The following NCOA6 variants were observed in gnomAD, a reference collection of about 807,000 sequenced individuals.
NCOA6 encodes the protein nuclear receptor coactivator 6.
NCOA6 carries 49 observed loss-of-function variants against 171.4 expected under a neutral mutation model. The ratio of observed to expected loss-of-function variants is 0.29; its 90% CI spans 0.23 to 0.36. The LOEUF is 0.36. Ranked by LOEUF, NCOA6 falls within the 10% of genes least tolerant of loss-of-function variation. NCOA6 has a pLI of 1.00. For synonymous variants in NCOA6, 910 were observed against 927.5 expected, an observed-to-expected ratio of 0.98 and a Z score of 0.34; for missense variants, 2,248 against 2,554.5, an observed-to-expected ratio of 0.88 and a Z score of 2.59.
intron 4 of NCOA6, among the ~76,000 whole-genome samples, chr20:34,769,894 A>G (rs1230748684): frequency 6.6e-6 from 1 of 152,222 alleles, no homozygotes; most frequent in East Asian, 1.9e-4. Flanking sequence ...GTTAAAATAT[A>G]GCTAGTCTGT....
chr20:34,790,337 T>C (rs981765406), intron 2 of NCOA6, among the ~76,000 whole-genome samples: 4 of 152,108 alleles, frequency 2.6e-5, no homozygotes, highest in Middle Eastern at 3.4e-3. Context: ...ACTCCATTTA[T>C]TTATTTTATT....
intron 4 of NCOA6, among the ~76,000 whole-genome samples, chr20:34,768,816 G>C (rs2077055113): frequency 1.3e-5 from 2 of 152,014 alleles, no homozygotes; most frequent in South Asian, 4.2e-4. Context: ...AGGGAAGCAG[G>C]GTGACCATGA....
At chr20:34,809,205 T>G (rs2078569244) in intron 1 of NCOA6, among the ~76,000 whole-genome samples, 1 of 152,228 alleles carries the variant, frequency 6.6e-6, no homozygotes, top group Non-Finnish European at 1.5e-5. Flanking sequence ...TCTGCCATAT[T>G]ACATGTATTC....
At chr20:34,773,468 T>C (rs2077213989) in intron 4 of NCOA6, among the ~76,000 whole-genome samples, 1 of 152,200 alleles carries the variant, frequency 6.6e-6, no homozygotes, top group African/African-American at 2.4e-5. Flanking sequence ...GTTGTTGTTG[T>C]TTTGAGACAA....
intron 1 of NCOA6, among the ~76,000 whole-genome samples, chr20:34,814,504 A>G (rs2078768496): frequency 6.6e-6 from 1 of 152,216 alleles, no homozygotes; most frequent in Non-Finnish European, 1.5e-5. Context: ...AAAAAAGACT[A>G]AAAAAACCTT....
chr20:34,798,012 T>C (rs2078137137), intron 1 of NCOA6, among the ~76,000 whole-genome samples: 1 of 152,190 alleles, frequency 6.6e-6, no homozygotes, highest in East Asian at 1.9e-4. Context: ...ATTTTCATTC[T>C]TTTTTCTTTT....
At chr20:34,731,381 C>G (rs1248752077) in intron 13 of NCOA6, among the ~76,000 whole-genome samples, 1 of 152,192 alleles carries the variant, frequency 6.6e-6, no homozygotes, top group Non-Finnish European at 1.5e-5. Context: ...GGTTAAATAT[C>G]AGGGCTCTGA....
chr20:34,715,193 G>A lies in NCOA6; in HGVS notation c.*129C>T. ...TGCACTTTATGAAACAGGTTGCAGG[G>A]ACTAGGAAAAGGGCCACATTATTAA... is the stretch of plus-strand genomic sequence containing the variant. On this transcript the variant is annotated 3_prime_UTR_variant, in exon 15 of 15. Coordinates refer to ENST00000359003, the MANE Select transcript of NCOA6 (RefSeq NM_014071.5). The A allele has an allele frequency of 8.2e-7, 1 of 1,215,856 alleles. No individual in the cohort carries two copies. Among genetic ancestry groups the A allele is most frequent in the Non-Finnish European group, 1.2e-6 (1 of 842,256 alleles). The allele number at this position is 1,215,856 out of a possible 1,614,324, so 75.3% of individuals were successfully genotyped here.
chr20:34,824,717 A>C (rs1031437637), intron 1 of NCOA6, among the ~76,000 whole-genome samples: 4 of 152,008 alleles, frequency 2.6e-5, no homozygotes, highest in African/African-American at 7.3e-5. Flanking sequence ...TCTCTCATCA[A>C]ACACCTCCTT....
At position 34,742,045 on chromosome 20, in the gene NCOA6, G is replaced by A; in HGVS notation, c.4211C>T (p.Ser1404Phe). The A allele has an allele frequency of 6.2e-7, 1 of 1,614,132 alleles. No homozygotes were observed. Among genetic ancestry groups the A allele is most frequent in the Non-Finnish European group, 8.5e-7 (1 of 1,180,036 alleles). Residue 1404 changes from serine to phenylalanine, a missense_variant, in exon 11 of 15, where the codon TCT becomes TTT. Coordinates refer to ENST00000359003, the MANE Select transcript of NCOA6 (RefSeq NM_014071.5). ...SGLNPQNSTV[S>F]VAAVGGVVED... ...AACAACACCCCCAACTGCAGCCACA[G>A]ACACAGTAGAATTCTGAGGATTCAG...
chr20:34,749,827 G>A lies in NCOA6; in HGVS notation c.2368C>T (p.Pro790Ser). Residue 790 changes from proline to serine, a missense_variant, in exon 9 of 15, where the codon CCA (proline) becomes TCA (serine). This residue lies in a region of NCOA6 where 987 missense variants were observed against 1,104.7 expected (regional missense o/e 0.89). Coordinates refer to ENST00000359003, the MANE Select transcript of NCOA6 (RefSeq NM_014071.5). ...VMGIQGQVLRPPGPSPHMAQQ... is the reference protein window; with the variant it reads ...VMGIQGQVLRSPGPSPHMAQQ... ...GCCATGTGTGGGCTGGGCCCTGGTG[G>A]CCGCAGGACCTGTCCCTGAATGCCC... 6.2e-7 allele frequency: 1 copy of A among 1,614,256 alleles called. No individual in the cohort carries two copies. The highest frequency in any genetic ancestry group is 8.5e-7 in the Non-Finnish European group (1 of 1,180,052).
intron 11 of NCOA6, 102 bp downstream of exon 11, chr20:34,740,261 C>G: frequency 7.1e-7 from 1 of 1,415,228 alleles, no homozygotes; most frequent in Non-Finnish European, 9.5e-7. Flanking sequence ...GCCATTTAGC[C>G]CATTCTCTTT....
chr20:34,740,861 T>C lies in NCOA6; in HGVS notation c.5395A>G (p.Asn1799Asp), dbSNP rs1308396629. The C allele has an allele frequency of 1.2e-6, 2 of 1,614,228 alleles. No individual in the cohort carries two copies. The highest frequency in any genetic ancestry group is 1.7e-5 in the Admixed American group (1 of 60,028). ...STTMVSPLLT[N>D]SPGSSGNRRS... ...CGGTTGCCAGAGGACCCTGGACTAT[T>C]GGTCAAAAGGGGAGAAACCATTGTG... is the stretch of plus-strand genomic sequence containing the variant. The change falls in exon 11 of 15, where the codon AAT becomes GAT. Residue 1799 changes from asparagine (N) to aspartate (D), a missense_variant. Around this residue, in one of 7 missense-constraint regions of NCOA6, gnomAD observed 884 missense variants for 941.9 expected, o/e 0.94. Coordinates refer to ENST00000359003, the MANE Select transcript of NCOA6 (RefSeq NM_014071.5).
In NCOA6 at chr20:34,802,893, C is replaced by A. The variant is rs1168556504; in HGVS notation, c.-163-10330G>T. ...CAGTGGCACAATTCCCAGCTCAATG[C>A]AGCCAAGTGATCCTCCCACTTCAGC... On this transcript the variant is annotated intron_variant, in intron 1 of 14. Transcript: ENST00000359003. Among the ~76,000 whole-genome samples the A allele has an allele frequency of 3.3e-5, 5 of 152,202 alleles. No homozygotes were observed. The South Asian group carries it at 1.0e-3, about 32-fold the overall frequency.
chr20:34,786,197 A>T (rs184660118), intron 2 of NCOA6, among the ~76,000 whole-genome samples: 15 of 152,208 alleles, frequency 9.9e-5, no homozygotes, highest in Admixed American at 3.3e-4. Context: ...TAGCCCCCTT[A>T]TCATTTCTGA....
rs570305940 is a variant in NCOA6, at chr20:34,788,077, G to A, written c.-50+4373C>T. ...AGATGGAGTTTCACCGTGTTGCCCA[G>A]GCTGGTCTCGAACTCCTGAGCTCAA... is the stretch of plus-strand genomic sequence containing the variant. On this transcript the variant is annotated intron_variant, in intron 2 of 14. Transcript: ENST00000359003. Among the ~76,000 whole-genome samples the A allele has an allele frequency of 3.7e-3, 569 of 152,232 alleles. 4 individuals are homozygous for A. Among genetic ancestry groups the A allele is most frequent in the African/African-American group, 0.013 (557 of 41,536 alleles).
intron 5 of NCOA6, among the ~76,000 whole-genome samples, chr20:34,759,528 C>A (rs761777854): frequency 1.4e-4 from 22 of 152,078 alleles, no homozygotes; most frequent in Non-Finnish European, 2.8e-4. Context: ...AGGTAAACTG[C>A]ACTTTTTCTG....
intron 1 of NCOA6, among the ~76,000 whole-genome samples, chr20:34,813,709 T>C (rs1442277972): frequency 4.6e-5 from 7 of 152,078 alleles, no homozygotes; most frequent in Admixed American, 2.6e-4. Flanking sequence ...ATGTTGAATA[T>C]AGATGGTGAG....
At chr20:34,770,585 T>G (rs1408645638) in intron 4 of NCOA6, among the ~76,000 whole-genome samples, 2 of 151,996 alleles carry the variant, frequency 1.3e-5, no homozygotes, top group African/African-American at 4.8e-5. Context: ...TATCATTCCT[T>G]AAAAACAGTT....
Sources: allele counts gnomAD v4.1 joint callset (sites outside exome capture counted in the v4.1 genomes callset), GRCh38; gene constraint gnomAD v4.1.1; regional missense constraint gnomAD v4.1.1; transcripts MANE v1.5; gene names NCBI Gene and HGNC (gene_info 2026-07-23, HGNC 2026-07-21).